RAB3GAP2: variants seen among roughly 807,000 people sequenced by gnomAD.
RAB3GAP2 encodes RAB3 GTPase activating non-catalytic protein subunit 2.
A neutral mutation model predicts 185.3 loss-of-function variants in RAB3GAP2; 87 were observed. The observed-to-expected ratio is 0.47, with a 90% CI of 0.39 to 0.56. The LOEUF (loss-of-function observed/expected upper bound fraction) is 0.56, where lower values mean the gene tolerates loss of function less well. Among genes scored for constraint, RAB3GAP2 ranks in the 20% least tolerant of loss-of-function variants. The pLI is 0.00. For synonymous variants in RAB3GAP2, 554 were observed against 576.1 expected, an observed-to-expected ratio of 0.96 and a Z score of 0.55; for missense variants, 1,492 against 1,638.2, an observed-to-expected ratio of 0.91 and a Z score of 1.54.
intron 1 of RAB3GAP2, chr1:220,267,138 C>A: frequency 7.7e-7 from 1 of 1,294,338 alleles, no homozygotes; most frequent in Non-Finnish European, 1.1e-6. Context: ...GAAGTAAGTT[C>A]TCTGGCTTAA....
At chr1:220,154,568 T>C (rs1657822000) in intron 31 of RAB3GAP2, 1 of 156,420 alleles carries the variant, frequency 6.4e-6, no homozygotes, top group Admixed American at 6.2e-5. Context: ...TACAGCCTCA[T>C]GAGAGACTAA....
At chr1:220,157,669 G>A in intron 30 of RAB3GAP2, 133 bp downstream of exon 30, 1 of 1,048,668 alleles carries the variant, frequency 9.5e-7, no homozygotes, top group South Asian at 1.4e-5. Context: ...ACTACCTTCT[G>A]GGCTCAAGTC....
intron 27 of RAB3GAP2, among the ~76,000 whole-genome samples, chr1:220,163,744 C>CATACATATATATATATATATAT (rs775527991): frequency 4.9e-5 from 6 of 123,018 alleles, no homozygotes; most frequent in African/African-American, 1.9e-4. Flanking sequence ...TAAATACATA[C>CATACATATATATATATATATAT]ATATATATAT....
chr1:220,158,219 G>C lies in RAB3GAP2; in HGVS notation c.3262-343C>G, dbSNP rs761992519. ...TAAGGCATCTGGTAGCCAAATAATCGTGGTAGATGGAAGATACACACATGA... is the reference window on the plus strand; with the variant it reads ...TAAGGCATCTGGTAGCCAAATAATCCTGGTAGATGGAAGATACACACATGA... On this transcript the variant is annotated intron_variant, in intron 29 of 34. Coordinates refer to ENST00000358951, the MANE Select transcript of RAB3GAP2 (RefSeq NM_012414.4). This position sits in a 1 kb window ranked among gnomAD's most constrained non-coding sequence, Gnocchi z 4.3. Among the ~76,000 whole-genome samples the C allele has an allele frequency of 6.6e-6, 1 of 152,120 alleles. No individual in the cohort carries two copies. Among genetic ancestry groups the C allele is most frequent in the African/African-American group, 2.4e-5 (1 of 41,446 alleles).
chr1:220,239,129 T>A (rs767529407), intron 1 of RAB3GAP2, among the ~76,000 whole-genome samples: 1 of 152,216 alleles, frequency 6.6e-6, no homozygotes, highest in Non-Finnish European at 1.5e-5. Context: ...ACCTTTTGCA[T>A]TTCAAAAGAA....
intron 21 of RAB3GAP2, among the ~76,000 whole-genome samples, chr1:220,181,303 AT>A (rs1161825484): frequency 6.6e-6 from 1 of 151,814 alleles, no homozygotes; most frequent in Non-Finnish European, 1.5e-5. Context: ...TTATTACACC[AT>A]TTTTTATCAG....
chr1:220,206,167 G>A (rs1658962549), intron 7 of RAB3GAP2, among the ~76,000 whole-genome samples, 161 bp from the exon 8 acceptor site: 1 of 152,116 alleles, frequency 6.6e-6, no homozygotes, highest in African/African-American at 2.4e-5. Flanking sequence ...ATTTGAGAGT[G>A]CCTTTTTGCC....
In RAB3GAP2 at chr1:220,217,580, C is replaced by T. The variant is rs114802832; in HGVS notation, c.181-3601G>A. Among the ~76,000 whole-genome samples the T allele has an allele frequency of 5.1e-3, 769 of 152,218 alleles. 3 individuals carry two copies. Among genetic ancestry groups the T allele is most frequent in the Admixed American group, 8.1e-3 (123 of 15,272 alleles). ...TGCATTTCTCCCACACTAGATGAGA[C>T]GCCCTCTGTTGGCAAAGCCTATGGC... On this transcript the variant is annotated intron_variant, in intron 2 of 34. Transcript: ENST00000358951.
chr1:220,180,467 T>C (rs1253761079), intron 21 of RAB3GAP2, among the ~76,000 whole-genome samples: 1 of 152,028 alleles, frequency 6.6e-6, no homozygotes, highest in African/African-American at 2.4e-5. Context: ...AACATTACAA[T>C]TGATACCATA....
At chr1:220,271,322 A>G (rs1660329172) in intron 1 of RAB3GAP2, 1 of 151,982 alleles carries the variant, frequency 6.6e-6, no homozygotes, top group South Asian at 2.1e-4. Flanking sequence ...TACAAAGCCA[A>G]ATGTGCTTCA....
chr1:220,182,284 C>T lies in RAB3GAP2; in HGVS notation c.2283G>A (p.Ser761=), dbSNP rs757230922. The T allele has an allele frequency of 2.4e-5, 39 of 1,613,818 alleles. No homozygotes were observed. Among genetic ancestry groups the T allele is most frequent in the Admixed American group, 1.8e-4 (11 of 59,978 alleles). Residue 761 remains serine (S), a synonymous_variant, in exon 21 of 35, where the codon TCG becomes TCA. Transcript: ENST00000358951. ...ACAACAGCTGAGGGCTAAGACCAGC[C>T]GACTCCAAAGTGTGACACATATCCT... The part of the protein sequence containing the change: ...STEDMCHTLE[S]AGLSPQLLLS...
chr1:220,198,775 C>T (rs578047209), intron 9 of RAB3GAP2, among the ~76,000 whole-genome samples: 5 of 152,172 alleles, frequency 3.3e-5, no homozygotes, highest in East Asian at 1.9e-4. Context: ...TTTCCCTGAG[C>T]GTCTGAGGCC....
At chr1:220,153,683 T>C in intron 32 of RAB3GAP2, 1 of 401,062 alleles carries the variant, frequency 2.5e-6, no homozygotes, top group Non-Finnish European at 4.5e-6. Context: ...ACATGTGCCA[T>C]GTTGGTGTGC....
At position 220,261,294 on chromosome 1, in the gene RAB3GAP2, T is replaced by G. The variant is rs1660133502; in HGVS notation, c.115+10929A>C. On this transcript the variant is annotated intron_variant, in intron 1 of 34. Transcript: ENST00000358951. ...TCTCTATGAGGAAGGTTCAACAACT[T>G]ACTCTTCATTCAAGGTCTCAATAGT... Among the ~76,000 whole-genome samples, 3 of 152,208 alleles carry G rather than the reference T, an allele frequency of 2.0e-5. No homozygotes were observed. In the South Asian group the frequency reaches 6.2e-4, roughly 31 times the overall value.
rs1184626607 is a variant in RAB3GAP2, at chr1:220,167,495, G to A, written c.2980+7C>T. The A allele has an allele frequency of 6.2e-6, 10 of 1,613,818 alleles. No homozygotes were observed. The highest frequency in any genetic ancestry group is 8.5e-6 in the Non-Finnish European group (10 of 1,179,912). ...GGATTTCATATTTCTCATTATTTGT[G>A]TATCACCTGGTATGGCTCCTAAGTC... On this transcript the variant is annotated splice_region_variant and intron_variant, in intron 25 of 34. Coordinates refer to ENST00000358951, the MANE Select transcript of RAB3GAP2 (RefSeq NM_012414.4).
At chr1:220,226,344 A>G (rs1017647614) in intron 2 of RAB3GAP2, among the ~76,000 whole-genome samples, 11 of 152,202 alleles carry the variant, frequency 7.2e-5, no homozygotes, top group Admixed American at 4.6e-4. Flanking sequence ...CCTTTACAGC[A>G]TAAGGCTGAA....
intron 27 of RAB3GAP2, 128 bp from the exon 28 acceptor site, chr1:220,162,396 AATATTT>A (rs1657980236): frequency 1.5e-6 from 1 of 656,790 alleles, no homozygotes; most frequent in Non-Finnish European, 2.7e-6. Flanking sequence ...TATCTCATGT[AATATTT>A]ATAAAGTTCA....
rs1657703925 is a variant in RAB3GAP2, at chr1:220,149,562, C to T, written c.*1689G>A. 1 of 151,410 alleles carries T rather than the reference C, an allele frequency of 6.6e-6. No individual in the cohort carries two copies. Among genetic ancestry groups the T allele is most frequent in the Non-Finnish European group, 1.5e-5 (1 of 67,676 alleles). 9.4% of individuals were successfully genotyped at this position (151,410 alleles called of 1,614,324 possible). A position where few individuals can be genotyped will look rare whatever the true frequency, so the allele number is the denominator to read the frequency against. The stretch of plus-strand genomic sequence containing the variant: ...AACTAATCTCTTAGAAAACATATAA[C>T]AAGTGACTGTTAACACAGAGCCAGA... On this transcript the variant is annotated 3_prime_UTR_variant, in exon 35 of 35. Coordinates refer to ENST00000358951, the MANE Select transcript of RAB3GAP2 (RefSeq NM_012414.4).
intron 21 of RAB3GAP2, among the ~76,000 whole-genome samples, chr1:220,178,778 T>A (rs1483343059): frequency 1.3e-5 from 2 of 152,036 alleles, no homozygotes; most frequent in Non-Finnish European, 2.9e-5. Context: ...ATGGCAGTAG[T>A]AGGACCTTAC....
Sources: allele counts gnomAD v4.1 joint callset (sites outside exome capture counted in the v4.1 genomes callset), GRCh38; gene constraint gnomAD v4.1.1; non-coding constraint Gnocchi (gnomAD v3.1); transcripts MANE v1.5; gene names NCBI Gene and HGNC (gene_info 2026-07-23, HGNC 2026-07-21).